Variants in SORBS3 observed in about 807,000 individuals in gnomAD.
The protein encoded by SORBS3 is vinexin.
SORBS3 carries 69 observed loss-of-function variants against 98.0 expected under a neutral mutation model. The observed-to-expected ratio is 0.70, with a 90% CI of 0.58 to 0.86. SORBS3 has a LOEUF of 0.86. Among genes scored for constraint, SORBS3 ranks in the 40% least tolerant of loss-of-function variants. The pLI, the probability that SORBS3 is intolerant of heterozygous loss-of-function variation, is 0.00. For synonymous variants in SORBS3, 394 were observed against 355.4 expected, an observed-to-expected ratio of 1.11 and a Z score of -1.22; for missense variants, 954 against 908.5, an observed-to-expected ratio of 1.05 and a Z score of -0.64.
chr8:22,563,116 A>AT (rs1840330504), intron 7 of SORBS3, among the ~76,000 whole-genome samples: 1 of 151,078 alleles, frequency 6.6e-6, no homozygotes, highest in African/African-American at 2.5e-5. Flanking sequence ...GAGACTCCGT[A>AT]TCAAAAAAAA....
intron 5 of SORBS3, 148 bp downstream of exon 5, chr8:22,558,340 G>A (rs1298397391): frequency 6.7e-6 from 5 of 742,204 alleles, no homozygotes; most frequent in Non-Finnish European, 1.2e-5. Context: ...CTGAAAATAG[G>A]CAGTCCCCTC....
rs1261081049 is a variant in SORBS3 at position 22,561,893 on chromosome 8, A to C, written c.546A>C (p.Arg182Ser). The change falls in exon 7 of 21, where the codon AGA (arginine) becomes AGC (serine). Residue 182 changes from arginine to serine, a missense_variant. By Grantham distance (110) the Arg-to-Ser change is moderately radical. Transcript: ENST00000240123. ...CCAGGCATCTAGGAGCCCAGCAAAG[A>C]CCTGCCCACAGGCCCGGCCCGGCAA... ...RDPRHLGAQQ[R>S]PAHRPGPATS... 9 of 1,614,008 alleles carry C rather than the reference A, an allele frequency of 5.6e-6. No individual in the cohort carries two copies. The highest frequency in any genetic ancestry group is 6.8e-6 in the Non-Finnish European group (8 of 1,179,998).
chr8:22,575,169 C>T lies in SORBS3; in HGVS notation c.*441C>T. Reference sequence around the variant, plus strand: ...CGCCCCCGCCTGCTGGGGTTCCTCCCAGCACCCCAGCTTGCTGGCTGCCCT... The same window carrying T: ...CGCCCCCGCCTGCTGGGGTTCCTCCTAGCACCCCAGCTTGCTGGCTGCCCT... On this transcript the variant is annotated 3_prime_UTR_variant, in exon 21 of 21. Coordinates refer to ENST00000240123, the MANE Select transcript of SORBS3 (RefSeq NM_005775.5). 1 of 322,656 alleles carries T rather than the reference C, an allele frequency of 3.1e-6. No homozygotes were observed. Among genetic ancestry groups the T allele is most frequent in the South Asian group, 2.4e-5 (1 of 41,608 alleles). The allele number at this position is 322,656 out of a possible 1,614,324, so 20.0% of individuals were successfully genotyped here. A position where few individuals can be genotyped will look rare whatever the true frequency, so the allele number is the denominator to read the frequency against.
upstream of SORBS3, among the ~76,000 whole-genome samples, chr8:22,550,904 G>A (rs1284297506): frequency 6.6e-6 from 1 of 152,240 alleles, no homozygotes; most frequent in African/African-American, 2.4e-5. Context: ...ATTCCAGAGT[G>A]TTTCCACGGT....
chr8:22,564,884 C>T (rs1840372278), intron 10 of SORBS3: 2 of 804,600 alleles, frequency 2.5e-6, no homozygotes, highest in South Asian at 2.5e-5. Context: ...GTGGGGGCTC[C>T]GGTCCCTGGG....
intron 4 of SORBS3, among the ~76,000 whole-genome samples, chr8:22,557,269 G>A (rs955573199): frequency 6.6e-6 from 1 of 152,156 alleles, no homozygotes; most frequent in South Asian, 2.1e-4. Flanking sequence ...ATGACTGACC[G>A]GCCGAATGAG....
At chr8:22,565,615 C>A in intron 11 of SORBS3, 1 of 941,004 alleles carries the variant, frequency 1.1e-6, no homozygotes, top group Non-Finnish European at 1.4e-6. Context: ...GCGCCCGCCC[C>A]GTCCGGCCCC....
At chr8:22,553,793 C>T (rs1840131503) in intron 1 of SORBS3, among the ~76,000 whole-genome samples, 1 of 152,224 alleles carries the variant, frequency 6.6e-6, no homozygotes, top group Admixed American at 6.5e-5. Flanking sequence ...CCCACCGCTT[C>T]TGTCTCCACC....
intron 20 of SORBS3, chr8:22,573,487 C>G (rs1271399143): frequency 2.2e-6 from 1 of 445,252 alleles, no homozygotes. Context: ...ATTAAAAATC[C>G]AGTTCCTCAG....
chr8:22,557,227 G>T (rs1370466044), intron 4 of SORBS3, among the ~76,000 whole-genome samples: 1 of 151,736 alleles, frequency 6.6e-6, no homozygotes, highest in Non-Finnish European at 1.5e-5. Context: ...CCCAGGGCCT[G>T]TCACGACGCT....
chr8:22,558,146 A>G lies in SORBS3; in HGVS notation c.432A>G (p.Arg144=). The G allele has an allele frequency of 6.2e-7, 1 of 1,614,164 alleles. No individual in the cohort carries two copies. Among genetic ancestry groups the G allele is most frequent in the Non-Finnish European group, 8.5e-7 (1 of 1,180,028 alleles). The part of the protein sequence containing the change: ...IAPRSSVDRP[R]DWYRRMFQQI... ...GATCCCAGAGCGTTGACAGACCCAG[A>G]GACTGGTACCGGAGAATGTTCCAGC... Residue 144 remains arginine, a synonymous_variant, in exon 5 of 21, where the codon AGA becomes AGG. Transcript: ENST00000240123.
intron 11 of SORBS3, 68 bp from the exon 12 acceptor site, chr8:22,565,757 GA>G: frequency 7.8e-7 from 1 of 1,284,956 alleles, no homozygotes; most frequent in Non-Finnish European, 9.8e-7. Flanking sequence ...AACTTTTCCG[GA>G]GGCGGCGGCC....
intron 20 of SORBS3, among the ~76,000 whole-genome samples, chr8:22,574,339 G>A (rs1338365455): frequency 6.6e-6 from 1 of 152,184 alleles, no homozygotes; most frequent in African/African-American, 2.4e-5. Flanking sequence ...GACCAGGGAC[G>A]TTTCTCCCGA....
upstream of SORBS3, among the ~76,000 whole-genome samples, chr8:22,550,262 T>C (rs1256303069): frequency 2.0e-5 from 3 of 152,216 alleles, no homozygotes; most frequent in Non-Finnish European, 2.9e-5. Context: ...CTCTCCGCCT[T>C]CCTGGAGAGT....
At chr8:22,559,852 C>A (rs1408081447) in intron 5 of SORBS3, among the ~76,000 whole-genome samples, 1 of 151,938 alleles carries the variant, frequency 6.6e-6, no homozygotes, top group African/African-American at 2.4e-5. Context: ...GGGACTCATT[C>A]AAAAGAGATT....
At chr8:22,556,535 C>CCATTTAAATT (rs905792530) in intron 3 of SORBS3, among the ~76,000 whole-genome samples, 180 bp from the exon 4 acceptor site, 2 of 152,224 alleles carry the variant, frequency 1.3e-5, no homozygotes, top group African/African-American at 4.8e-5. Flanking sequence ...AAGATCAAAT[C>CCATTTAAATT]CATTTAAATT....
chr8:22,568,785 G>C (rs1382564363), intron 16 of SORBS3, among the ~76,000 whole-genome samples: 1 of 152,116 alleles, frequency 6.6e-6, no homozygotes, highest in Non-Finnish European at 1.5e-5. Flanking sequence ...GCTCAGTTTT[G>C]GAACAGTTCC....
At chr8:22,551,354 G>A (rs1325684088), upstream of SORBS3, among the ~76,000 whole-genome samples, 1 of 151,920 alleles carries the variant, frequency 6.6e-6, no homozygotes, top group Non-Finnish European at 1.5e-5. This position sits in a 1 kb window ranked among gnomAD's most constrained non-coding sequence, Gnocchi z 5.8. Flanking sequence ...CCGCCACTCT[G>A]CCTGCGGGGC....
chr8:22,574,831 G>C lies in SORBS3; in HGVS notation c.*103G>C. 8.6e-7 allele frequency: 1 copy of C among 1,167,322 alleles called. No individual in the cohort carries two copies. The allele number at this position is 1,167,322 out of a possible 1,614,324, so 72.3% of individuals were successfully genotyped here. A position where few individuals can be genotyped will look rare whatever the true frequency, so the allele number is the denominator to read the frequency against. On this transcript the variant is annotated 3_prime_UTR_variant, in exon 21 of 21. Transcript: ENST00000240123. The stretch of plus-strand genomic sequence containing the variant: ...CCCACATCCTCCTTCCCCAGGACCT[G>C]AGCTCCCAGCATCTGCAGACGACCC...
Sources: allele counts gnomAD v4.1 joint callset (sites outside exome capture counted in the v4.1 genomes callset), GRCh38; gene constraint gnomAD v4.1.1; non-coding constraint Gnocchi (gnomAD v3.1); transcripts MANE v1.5; gene names NCBI Gene and HGNC (gene_info 2026-07-23, HGNC 2026-07-21).